Variants in SYN2 observed in about 807,000 individuals in gnomAD.
The protein encoded by SYN2 is synapsin-2.
Under a neutral mutation model 50.9 loss-of-function variants are expected in SYN2, and 19 were observed. The ratio of observed to expected loss-of-function variants is 0.37; its 90% confidence interval spans 0.26 to 0.55. SYN2 has a LOEUF of 0.55. Among genes scored for constraint, SYN2 ranks in the 20% least tolerant of loss-of-function variants. The pLI, the probability that SYN2 is intolerant of heterozygous loss-of-function variation, is 0.81. For synonymous variants in SYN2, 255 were observed against 224.9 expected (o/e 1.13, Z -1.20); for missense variants, 587 against 576.4 (o/e 1.02, Z -0.19).
At chr3:12,033,894 T>C (rs140398208) in intron 1 of SYN2, among the ~76,000 whole-genome samples, 1 of 152,352 alleles carries the variant, frequency 6.6e-6, no homozygotes, top group African/African-American at 2.4e-5. Flanking sequence ...ATTTCCTTTA[T>C]AGATATACTG....
At chr3:12,138,734 G>A (rs1696953455) in intron 1 of SYN2, among the ~76,000 whole-genome samples, 1 of 152,218 alleles carries the variant, frequency 6.6e-6, no homozygotes, top group South Asian at 2.1e-4. Context: ...ATGTCTCTGA[G>A]ATTTACCTCA....
At chr3:12,130,251 T>C (rs1357023012) in intron 1 of SYN2, among the ~76,000 whole-genome samples, 1 of 151,132 alleles carries the variant, frequency 6.6e-6, no homozygotes, top group African/African-American at 2.4e-5. Context: ...TGTGTGTGTG[T>C]GCATGTGTGT....
intron 7 of SYN2, among the ~76,000 whole-genome samples, chr3:12,166,189 C>A (rs2125240475): frequency 6.6e-6 from 1 of 152,256 alleles, no homozygotes; most frequent in East Asian, 1.9e-4. Flanking sequence ...GAAATCAGAT[C>A]TCTGGGGAGG....
chr3:12,066,673 C>G (rs1278865415), intron 1 of SYN2, among the ~76,000 whole-genome samples: 1 of 152,022 alleles, frequency 6.6e-6, no homozygotes, highest in Non-Finnish European at 1.5e-5. Context: ...GCTGGAGTTC[C>G]AGCATCACAG....
intron 1 of SYN2, among the ~76,000 whole-genome samples, chr3:12,086,517 C>T (rs755003410): frequency 9.2e-5 from 14 of 152,234 alleles, no homozygotes; most frequent in African/African-American, 2.4e-4. Context: ...GATCATTCAC[C>T]GTGATCAAGT....
rs184015787 is a variant in SYN2 at position 12,110,338 on chromosome 3, G to T, written c.378-30313G>T. Among the ~76,000 whole-genome samples the T allele has an allele frequency of 3.3e-5, 5 of 152,292 alleles. No individual in the cohort carries two copies. The East Asian group carries it at 9.7e-4, about 29-fold the overall frequency. ...GTACCTGTGACTTTGCAGGGGTATAGCCTTCTTCCTGGTTGCTTTCACTGG... is the reference window on the plus strand; with the variant it reads ...GTACCTGTGACTTTGCAGGGGTATATCCTTCTTCCTGGTTGCTTTCACTGG... On this transcript the variant is annotated intron_variant, in intron 1 of 12. Coordinates refer to ENST00000621198, the MANE Select transcript of SYN2 (RefSeq NM_133625.6).
At chr3:12,123,695 C>G (rs1436148261) in intron 1 of SYN2, among the ~76,000 whole-genome samples, 1 of 152,074 alleles carries the variant, frequency 6.6e-6, no homozygotes. Context: ...TGCCTGTAAT[C>G]CTAGCACTTT....
intron 1 of SYN2, among the ~76,000 whole-genome samples, chr3:12,025,236 G>A (rs553274529): frequency 3.9e-5 from 6 of 152,172 alleles, no homozygotes; most frequent in East Asian, 1.9e-4. Flanking sequence ...ACCTCCAAAC[G>A]TCATCACAAT....
chr3:12,094,577 A>G (rs1421862292), intron 1 of SYN2, among the ~76,000 whole-genome samples: 1 of 152,226 alleles, frequency 6.6e-6, no homozygotes, highest in African/African-American at 2.4e-5. Context: ...ACAGTAAGTA[A>G]CTTAGCCATT....
intron 1 of SYN2, among the ~76,000 whole-genome samples, chr3:12,099,567 T>C (rs1440946529): frequency 6.6e-6 from 1 of 152,138 alleles, no homozygotes. Flanking sequence ...GGGAAATTTA[T>C]AGCTATACTT....
chr3:12,031,939 A>G (rs535455124), intron 1 of SYN2, among the ~76,000 whole-genome samples: 12,112 of 141,356 alleles, frequency 0.086, 1,709 homozygotes, highest in African/African-American at 0.29. Context: ...TTAGCTGGTG[A>G]TTTTGCTCGT....
intron 1 of SYN2, among the ~76,000 whole-genome samples, chr3:12,041,264 G>A (rs557894496): frequency 2.0e-5 from 3 of 152,286 alleles, no homozygotes; most frequent in South Asian, 4.1e-4. Flanking sequence ...GAGCTGATGT[G>A]TTTGACCCTT....
intron 1 of SYN2, among the ~76,000 whole-genome samples, chr3:12,027,966 A>G (rs1426051458): frequency 7.7e-6 from 1 of 130,456 alleles, no homozygotes; most frequent in Non-Finnish European, 1.6e-5. Context: ...TTTTTTTTTT[A>G]CTGTGCTCTA....
intron 1 of SYN2, among the ~76,000 whole-genome samples, chr3:12,101,480 G>A (rs1445998110): frequency 6.6e-6 from 1 of 152,122 alleles, no homozygotes; most frequent in African/African-American, 2.4e-5. Flanking sequence ...CGGAGGCTGG[G>A]TAAAGGAGGG....
At chr3:12,054,050 C>G (rs866767433) in intron 1 of SYN2, among the ~76,000 whole-genome samples, 8 of 152,134 alleles carry the variant, frequency 5.3e-5, no homozygotes, top group African/African-American at 1.9e-4. Context: ...GGACAGGAAG[C>G]AAATGCAAGG....
At chr3:12,051,011 A>G in intron 1 of SYN2, among the ~76,000 whole-genome samples, 1 of 151,900 alleles carries the variant, frequency 6.6e-6, no homozygotes, top group Non-Finnish European at 1.5e-5. Flanking sequence ...CTGGGATTAC[A>G]GGCGTGAGCC....
chr3:12,128,587 A>C (rs1696722704), intron 1 of SYN2, among the ~76,000 whole-genome samples: 1 of 152,212 alleles, frequency 6.6e-6, no homozygotes. Flanking sequence ...TCATATTATC[A>C]TGTGAATAAA....
chr3:12,120,835 G>A (rs1398758268), intron 1 of SYN2, among the ~76,000 whole-genome samples: 1 of 152,188 alleles, frequency 6.6e-6, no homozygotes, highest in African/African-American at 2.4e-5. Flanking sequence ...CCAGAATGCT[G>A]TGAATTTCTC....
intron 1 of SYN2, among the ~76,000 whole-genome samples, chr3:12,073,398 G>T (rs899212459): frequency 5.3e-5 from 8 of 152,102 alleles, no homozygotes; most frequent in Non-Finnish European, 1.0e-4. Flanking sequence ...ACTTTTGGAG[G>T]TTCCATGGTA....
Sources: gnomAD v4.1 joint callset for allele counts (sites outside exome capture counted in the v4.1 genomes callset) on GRCh38, gnomAD v4.1.1 for gene constraint, MANE v1.5 for transcripts, NCBI Gene and HGNC (gene_info 2026-07-23, HGNC 2026-07-21) for gene names.